Variants in USP43 observed in about 807,000 individuals in gnomAD.
The protein encoded by USP43 is ubiquitin specific peptidase 43, also known as ubiquitin carboxyl-terminal hydrolase 43.
Under a neutral mutation model 90.7 loss-of-function variants are expected in USP43, and 33 were observed. The ratio of observed to expected loss-of-function variants is 0.36; its 90% CI spans 0.28 to 0.49. USP43 has a LOEUF of 0.49. Ranked by LOEUF, USP43 falls within the 20% of genes least tolerant of loss-of-function variation. USP43 has a pLI of 0.98. For missense variants in USP43, 1,274 were observed against 1,476.4 expected (o/e 0.86, Z 2.25); for synonymous variants, 598 against 615.8 (o/e 0.97, Z 0.43).
At chr17:9,664,636 ATTTTT>A (rs371778793) in intron 2 of USP43, among the ~76,000 whole-genome samples, 1 of 134,214 alleles carries the variant, frequency 7.5e-6, no homozygotes. Flanking sequence ...CCTTGCATAG[ATTTTT>A]TTTTTTTTTT....
chr17:9,673,291 G>C (rs1913559433), intron 3 of USP43, among the ~76,000 whole-genome samples: 1 of 152,146 alleles, frequency 6.6e-6, no homozygotes, highest in East Asian at 1.9e-4. Flanking sequence ...TGGATCACAA[G>C]GTCAGGAGTT....
chr17:9,711,483 C>T (rs57453035), intron 13 of USP43, among the ~76,000 whole-genome samples: 14,814 of 152,154 alleles, frequency 0.097, 1,310 homozygotes, highest in African/African-American at 0.23. Flanking sequence ...GGCTGGAGTA[C>T]AGTAGCGCGA....
At chr17:9,680,119 A>G (rs1914067803) in intron 5 of USP43, 112 bp from the exon 6 acceptor site, 1 of 1,192,346 alleles carries the variant, frequency 8.4e-7, no homozygotes, top group Non-Finnish European at 1.2e-6. Context: ...ATAAGTAGCC[A>G]ATTGGAAGGA....
rs79247656 is a variant in USP43 at position 9,680,766 on chromosome 17, G to A, written c.1105+400G>A. 6.4e-3 allele frequency among the ~76,000 whole-genome samples: 969 copies of A among 152,066 alleles called. 15 individuals carry two copies. Among genetic ancestry groups the A allele is most frequent in the African/African-American group, 0.021 (876 of 41,500 alleles). On this transcript the variant is annotated intron_variant, in intron 6 of 14. Coordinates refer to ENST00000285199, the MANE Select transcript of USP43 (RefSeq NM_153210.5). The stretch of plus-strand genomic sequence containing the variant: ...TATAGATGCTGGAGTCATCTTTGCC[G>A]TCAGGATTCCTATGGGTCAAGATTT...
Position 9,676,879 on chromosome 17 carries a change from G to C in USP43, c.967G>C (p.Glu323Gln). The C allele has an allele frequency of 6.2e-7, 1 of 1,613,524 alleles. No individual in the cohort carries two copies. The highest frequency in any genetic ancestry group is 1.1e-5 in the South Asian group (1 of 90,982). Residue 323 changes from glutamate (E) to glutamine (Q), a missense_variant and splice_region_variant, in exon 5 of 15, where the codon GAG becomes CAG. Transcript: ENST00000285199. ...VAEEGGVPAD[E>Q]VILVELYPSG... Reference sequence around the variant, plus strand: ...AGAGGAAGGAGGCGTCCCTGCAGATGAGGTGTGATAGAATTGCACTGGGGC... The same window carrying C: ...AGAGGAAGGAGGCGTCCCTGCAGATCAGGTGTGATAGAATTGCACTGGGGC...
intron 1 of USP43, among the ~76,000 whole-genome samples, chr17:9,652,616 T>C (rs1369337138): frequency 6.6e-6 from 1 of 151,938 alleles, no homozygotes; most frequent in African/African-American, 2.4e-5. Context: ...CTGCCTTGGC[T>C]CCCCACAATG....
intron 8 of USP43, among the ~76,000 whole-genome samples, chr17:9,690,611 G>A (rs999530928): frequency 2.0e-5 from 3 of 152,118 alleles, no homozygotes; most frequent in African/African-American, 4.8e-5. Context: ...GTTGCCAGAC[G>A]TGGTGGCTCA....
intron 14 of USP43, among the ~76,000 whole-genome samples, chr17:9,721,749 G>A (rs1476306353): frequency 7.1e-6 from 1 of 139,886 alleles, no homozygotes; most frequent in East Asian, 2.3e-4. Flanking sequence ...TTGAGACCGA[G>A]TTTCGCTCTT....
At chr17:9,710,585 A>T (rs961500000) in intron 13 of USP43, among the ~76,000 whole-genome samples, 1 of 142,586 alleles carries the variant, frequency 7.0e-6, no homozygotes, top group Non-Finnish European at 1.5e-5. Context: ...GCTCACTGCA[A>T]CCTCTGCCTC....
At chr17:9,673,575 G>C (rs1749911517) in intron 3 of USP43, among the ~76,000 whole-genome samples, 1 of 152,138 alleles carries the variant, frequency 6.6e-6, no homozygotes, top group Admixed American at 6.5e-5. Context: ...GGAGTATTAA[G>C]TTTAAAAGAG....
At chr17:9,676,472 C>T (rs943896365) in intron 4 of USP43, among the ~76,000 whole-genome samples, 3 of 152,152 alleles carry the variant, frequency 2.0e-5, no homozygotes, top group Non-Finnish European at 4.4e-5. Context: ...CAGGTTCAAG[C>T]GATTCTCCTG....
rs1302240634 is a variant in USP43 at position 9,645,687 on chromosome 17, C to T, written c.55C>T (p.Arg19Cys). ...AGGGPLAPRP[R>C]RRRSLRRLFS... ...AGGGGGACCGCTCGCGCCCCGGCCC[C>T]GCCGCCGCCGCTCCCTGCGCCGCCT... The change falls in exon 1 of 15, where the codon CGC becomes TGC. Residue 19 changes from arginine (R) to cysteine (C), a missense_variant. By Grantham distance (180) the Arg-to-Cys change is radical. Transcript: ENST00000285199. The surrounding 1 kb of genome is among the most constrained non-coding windows in gnomAD (Gnocchi z 6.8). 6.2e-6 allele frequency: 8 copies of T among 1,284,640 alleles called. No homozygotes were observed. The highest frequency in any genetic ancestry group is 7.8e-6 in the Non-Finnish European group (8 of 1,021,530). 79.6% of individuals were successfully genotyped at this position (1,284,640 alleles called of 1,614,324 possible).
chr17:9,696,914 A>G (rs1915302054), intron 9 of USP43, among the ~76,000 whole-genome samples: 1 of 152,174 alleles, frequency 6.6e-6, no homozygotes, highest in African/African-American at 2.4e-5. Context: ...TGACTTTTTT[A>G]AGAAATTCAT....
intron 14 of USP43, among the ~76,000 whole-genome samples, chr17:9,713,327 G>A (rs1404963555): frequency 1.3e-5 from 2 of 152,098 alleles, no homozygotes; most frequent in East Asian, 1.9e-4. Flanking sequence ...GACCTCACGT[G>A]ATCTGCCTGC....
chr17:9,726,132 T>C (rs546818103), intron 14 of USP43, among the ~76,000 whole-genome samples: 1 of 152,162 alleles, frequency 6.6e-6, no homozygotes, highest in South Asian at 2.1e-4. Context: ...CTTTTGGAGG[T>C]CATGGGCTTT....
At chr17:9,724,928 G>A (rs76910226) in intron 14 of USP43, among the ~76,000 whole-genome samples, 3 of 131,964 alleles carry the variant, frequency 2.3e-5, no homozygotes, top group Non-Finnish European at 4.5e-5. Context: ...TTGTTCTGTG[G>A]CGGGGGGCAG....
At chr17:9,660,862 C>T (rs369191142) in intron 2 of USP43, among the ~76,000 whole-genome samples, 1 of 152,226 alleles carries the variant, frequency 6.6e-6, no homozygotes, top group African/African-American at 2.4e-5. Flanking sequence ...GGGTCAAAGC[C>T]TCTCCTCAAA....
chr17:9,656,631 C>G, intron 2 of USP43, 97 bp downstream of exon 2: 1 of 1,430,316 alleles, frequency 7.0e-7, no homozygotes, highest in Non-Finnish European at 9.3e-7. Context: ...AATTGAGATT[C>G]TTAGATTCCT....
intron 3 of USP43, among the ~76,000 whole-genome samples, chr17:9,673,377 C>T (rs1038995894): frequency 6.6e-6 from 1 of 152,064 alleles, no homozygotes; most frequent in Non-Finnish European, 1.5e-5. Context: ...GGCGTGGTGG[C>T]AGGCACCTGT....
Sources: gnomAD v4.1 joint callset for allele counts (sites outside exome capture counted in the v4.1 genomes callset) on GRCh38, gnomAD v4.1.1 for gene constraint, Gnocchi (gnomAD v3.1) non-coding constraint, MANE v1.5 for transcripts, NCBI Gene and HGNC (gene_info 2026-07-23, HGNC 2026-07-21) for gene names.